Variants in BAZ2B observed in about 807,000 individuals in gnomAD.
The protein encoded by BAZ2B is bromodomain adjacent to zinc finger domain protein 2B.
Under a neutral mutation model 246.0 loss-of-function variants are expected in BAZ2B, and 91 were observed. That is an observed-to-expected ratio of 0.37 (90% CI 0.31 to 0.44). The LOEUF is 0.44. BAZ2B is among the 20% of genes least tolerant of loss of function. The probability of loss-of-function intolerance (pLI) is 1.00; values close to 1 mark genes in which losing one functional copy is unlikely to be tolerated. For missense variants in BAZ2B, 2,332 were observed against 2,533.7 expected, an observed-to-expected ratio of 0.92 and a Z score of 1.71; for synonymous variants, 855 against 860.0, an observed-to-expected ratio of 0.99 and a Z score of 0.10.
At chr2:159,650,572 G>C in the BAZ2B span, among the ~76,000 whole-genome samples, 1 of 152,072 alleles carries the variant, frequency 6.6e-6, no homozygotes, top group Admixed American at 6.6e-5. Flanking sequence ...CCTTTTCAGT[G>C]GTTCTTTTCC....
intron 6 of BAZ2B, chr2:159,444,362 T>C (rs777327984): frequency 1.3e-5 from 2 of 152,178 alleles, no homozygotes; most frequent in Non-Finnish European, 2.9e-5. Flanking sequence ...ACAGTACTTT[T>C]GCATTTTTGT....
chr2:159,396,076 A>C lies in BAZ2B; in HGVS notation c.3010-242T>G, dbSNP rs1576506381. On this transcript the variant is annotated intron_variant, in intron 19 of 36. Coordinates refer to ENST00000392783, the MANE Select transcript of BAZ2B (RefSeq NM_013450.4). The stretch of plus-strand genomic sequence containing the variant: ...AAGGTAAAGCAATGAACATGGAGAC[A>C]GTGTAAACAGAAGCATACAAGATTT... 3 of 350,254 alleles carry C rather than the reference A, an allele frequency of 8.6e-6. No homozygotes were observed. The East Asian group carries it at 1.5e-4, about 18-fold the overall frequency. 21.7% of individuals were successfully genotyped at this position (350,254 alleles called of 1,614,324 possible).
chr2:159,336,504 T>C (rs1346901283), intron 33 of BAZ2B, among the ~76,000 whole-genome samples: 3 of 152,134 alleles, frequency 2.0e-5, no homozygotes, highest in African/African-American at 7.2e-5. Context: ...AAACTAAGAG[T>C]TCTCTGCTTA....
intron 13 of BAZ2B, among the ~76,000 whole-genome samples, chr2:159,421,205 C>T (rs2068687557): frequency 1.3e-5 from 2 of 151,214 alleles, no homozygotes; most frequent in Admixed American, 6.6e-5. Flanking sequence ...GACAGGGTCT[C>T]AATCTGTCAC....
chr2:159,472,880 G>T (rs368516067), intron 3 of BAZ2B, among the ~76,000 whole-genome samples: 1 of 152,138 alleles, frequency 6.6e-6, no homozygotes, highest in African/African-American at 2.4e-5. Context: ...TGCTGGATTC[G>T]ATTTGTCAGT....
the BAZ2B span, among the ~76,000 whole-genome samples, chr2:159,626,884 T>C: frequency 6.6e-6 from 1 of 151,936 alleles, no homozygotes; most frequent in Non-Finnish European, 1.5e-5. Flanking sequence ...CAGGACCTGG[T>C]TTTTTGAAAA....
chr2:159,632,682 T>C, the BAZ2B span, among the ~76,000 whole-genome samples: 2 of 152,204 alleles, frequency 1.3e-5, no homozygotes, highest in African/African-American at 4.8e-5. Context: ...TAATTTAATG[T>C]GGTGCTGATA....
chr2:159,663,513 G>GT, the BAZ2B span, among the ~76,000 whole-genome samples: 65,430 of 142,932 alleles, frequency 0.46, 15,338 homozygotes, highest in Middle Eastern at 0.64. Flanking sequence ...TGTTGCTAAT[G>GT]TTTTTTTTTT....
At position 159,330,719 on chromosome 2, in the gene BAZ2B, A is replaced by G. The variant is rs558036914; in HGVS notation, c.5943+1821T>C. On this transcript the variant is annotated intron_variant, in intron 34 of 36. Coordinates refer to ENST00000392783, the MANE Select transcript of BAZ2B (RefSeq NM_013450.4). Reference sequence around the variant, plus strand: ...CAAAATTAAAAAAAAAAAGCCAGGCATAGTGGCACAGGCCTGTAGTCCCTG... The same window carrying G: ...CAAAATTAAAAAAAAAAAGCCAGGCGTAGTGGCACAGGCCTGTAGTCCCTG... Among the ~76,000 whole-genome samples, 9 of 151,724 alleles carry G rather than the reference A, an allele frequency of 5.9e-5. No individual in the cohort carries two copies. The South Asian group carries it at 6.3e-4, about 11-fold the overall frequency.
chr2:159,436,739 A>G (rs1442415444), intron 8 of BAZ2B, among the ~76,000 whole-genome samples: 2 of 152,174 alleles, frequency 1.3e-5, no homozygotes, highest in African/African-American at 4.8e-5. Flanking sequence ...CAACAGAGCG[A>G]GACTCTGTCT....
In BAZ2B at chr2:159,349,871, G is replaced by C. The variant is rs754720758; in HGVS notation, c.4700C>G (p.Pro1567Arg). 4.5e-5 allele frequency: 72 copies of C among 1,614,028 alleles called. No homozygotes were observed. The highest frequency in any genetic ancestry group is 5.5e-5 in the South Asian group (5 of 91,086). The change falls in exon 28 of 37, where the codon CCC becomes CGC. Residue 1567 changes from proline (P) to arginine (R), a missense_variant. Around this residue, in one of 9 missense-constraint regions of BAZ2B, gnomAD observed 676 missense variants for 668.6 expected, o/e 1.01. Coordinates refer to ENST00000392783, the MANE Select transcript of BAZ2B (RefSeq NM_013450.4). ...ATGAGTAAGTGAAGTGTCATCACAG[G>C]GTGTTCGTGGCAAAAGACTAAACCA... is the stretch of plus-strand genomic sequence containing the variant. ...RQWFSLLPRT[P>R]CDDTSLTHAD...
intron 14 of BAZ2B, 125 bp downstream of exon 14, chr2:159,412,210 T>C: frequency 9.6e-7 from 1 of 1,043,232 alleles, no homozygotes. Context: ...TTTCATTTTA[T>C]TCTAACACAA....
intron 27 of BAZ2B, among the ~76,000 whole-genome samples, chr2:159,365,999 A>G (rs550676459): frequency 6.6e-6 from 1 of 152,306 alleles, no homozygotes; most frequent in Admixed American, 6.5e-5. Context: ...TAACATACTC[A>G]ACTGTGGAGG....
intron 2 of BAZ2B, among the ~76,000 whole-genome samples, chr2:159,485,036 T>TAATTA (rs2079663252): frequency 6.6e-6 from 1 of 152,188 alleles, no homozygotes; most frequent in African/African-American, 2.4e-5. Flanking sequence ...CAGAGAAATA[T>TAATTA]GATAATTAGG....
At chr2:159,462,505 C>T (rs2076530285) in intron 3 of BAZ2B, 9 of 989,082 alleles carry the variant, frequency 9.1e-6, no homozygotes, top group Middle Eastern at 2.1e-4. Flanking sequence ...TGGTATCTGA[C>T]ATTGTTTGAC....
intron 27 of BAZ2B, among the ~76,000 whole-genome samples, chr2:159,368,873 A>AC (rs1198595613): frequency 4.6e-5 from 7 of 151,484 alleles, no homozygotes; most frequent in Non-Finnish European, 1.0e-4. Flanking sequence ...AAAAAAAAAA[A>AC]AAAAAAAAAA....
chr2:159,419,380 A>T (rs926893565), intron 13 of BAZ2B, among the ~76,000 whole-genome samples: 1 of 152,170 alleles, frequency 6.6e-6, no homozygotes, highest in Admixed American at 6.5e-5. Context: ...AAAAAATCAA[A>T]ATTTTGTTGG....
intron 17 of BAZ2B, 193 bp from the exon 18 acceptor site, chr2:159,399,087 G>A (rs2064532463): frequency 2.3e-6 from 1 of 441,148 alleles, no homozygotes; most frequent in Non-Finnish European, 3.9e-6. Flanking sequence ...TTATAGAATA[G>A]CATTAGAATA....
intron 2 of BAZ2B, among the ~76,000 whole-genome samples, chr2:159,512,292 T>A (rs1441758049): frequency 6.6e-6 from 1 of 152,202 alleles, no homozygotes; most frequent in Non-Finnish European, 1.5e-5. Context: ...TGAAATAACT[T>A]CTATTTCGAT....
Sources: allele counts gnomAD v4.1 joint callset (sites outside exome capture counted in the v4.1 genomes callset), GRCh38; gene constraint gnomAD v4.1.1; regional missense constraint gnomAD v4.1.1; transcripts MANE v1.5; gene names NCBI Gene and HGNC (gene_info 2026-07-23, HGNC 2026-07-21).